Variants in KDM6A observed in about 807,000 individuals in gnomAD.
KDM6A encodes lysine-specific demethylase 6A.
Under a neutral mutation model 117.6 loss-of-function variants are expected in KDM6A, and 11 were observed. The ratio of observed to expected loss-of-function variants is 0.09; its 90% CI spans 0.06 to 0.15. KDM6A has a LOEUF of 0.15. KDM6A is among the 10% of genes least tolerant of loss of function. KDM6A has a pLI of 1.00. For synonymous variants in KDM6A, 384 were observed against 396.1 expected (o/e 0.97, Z 0.36); for missense variants, 799 against 1,077.3 (o/e 0.74, Z 3.62).
intron 2 of KDM6A, among the ~76,000 whole-genome samples, chrX:44,933,445 G>A (rs773675989): frequency 9.6e-6 from 1 of 104,252 alleles, no homozygotes; most frequent in South Asian, 4.3e-4. Flanking sequence ...CTAATTTTTT[G>A]TGTGTTTTTA....
At chrX:45,033,828 C>T (rs2042701052) in intron 6 of KDM6A, among the ~76,000 whole-genome samples, 1 of 110,853 alleles carries the variant, frequency 9.0e-6, no homozygotes, top group Non-Finnish European at 1.9e-5. Context: ...GCTGGGATTA[C>T]AGTCGTGAGC....
At chrX:44,886,761 G>T (rs2146561136) in intron 2 of KDM6A, among the ~76,000 whole-genome samples, 1 of 110,125 alleles carries the variant, frequency 9.1e-6, no homozygotes, top group South Asian at 3.9e-4. Flanking sequence ...AAAGTGCTGA[G>T]ATTACAGGCA....
At chrX:44,998,206 A>G (rs1295608162) in intron 4 of KDM6A, among the ~76,000 whole-genome samples, 1 of 111,863 alleles carries the variant, frequency 8.9e-6, no homozygotes. Context: ...CCAAGTATGT[A>G]AAGTTGAGGT....
At chrX:44,916,732 A>T (rs1369169710) in intron 2 of KDM6A, among the ~76,000 whole-genome samples, 2 of 109,752 alleles carry the variant, frequency 1.8e-5, no homozygotes, top group Non-Finnish European at 3.8e-5. Flanking sequence ...TGCAGGCTCG[A>T]CCTCCTAGGC....
At chrX:44,921,197 A>C (rs753298899) in intron 2 of KDM6A, among the ~76,000 whole-genome samples, 1 of 110,523 alleles carries the variant, frequency 9.0e-6, no homozygotes, top group African/African-American at 3.3e-5. Flanking sequence ...TTTTTCAAAA[A>C]CTCTTTTATT....
chrX:45,033,256 T>C (rs1389277524), intron 6 of KDM6A, among the ~76,000 whole-genome samples: 3 of 112,302 alleles, frequency 2.7e-5, no homozygotes, highest in Admixed American at 9.4e-5. Flanking sequence ...CGTTTTAAAA[T>C]AGTCTGTTCT....
chrX:44,930,152 T>A (rs746009940), intron 2 of KDM6A, among the ~76,000 whole-genome samples: 17 of 111,342 alleles, frequency 1.5e-4, no homozygotes, highest in Non-Finnish European at 3.2e-4. Context: ...TAAAAATTAT[T>A]TTTTTTCCTT....
At chrX:44,909,463 T>C (rs930163180) in intron 2 of KDM6A, among the ~76,000 whole-genome samples, 1 of 111,131 alleles carries the variant, frequency 9.0e-6, no homozygotes, top group African/African-American at 3.3e-5. Context: ...ATCTTTGACT[T>C]TGCTGCCACC....
chrX:45,029,435 T>A (rs2042512466), intron 6 of KDM6A, among the ~76,000 whole-genome samples: 1 of 109,108 alleles, frequency 9.2e-6, no homozygotes, highest in African/African-American at 3.4e-5. Context: ...CCCCATCTAA[T>A]AAATAAATAC....
intron 4 of KDM6A, among the ~76,000 whole-genome samples, chrX:44,988,574 C>CT (rs1434359651): frequency 9.0e-6 from 1 of 110,963 alleles, no homozygotes; most frequent in Non-Finnish European, 1.9e-5. Flanking sequence ...TGGTGACGTA[C>CT]AGATGGGGTT....
intron 4 of KDM6A, among the ~76,000 whole-genome samples, chrX:45,002,044 C>T (rs976255759): frequency 9.0e-6 from 1 of 111,254 alleles, no homozygotes; most frequent in East Asian, 2.8e-4. Context: ...AGAAACTGAT[C>T]TTTTGTTTTA....
At chrX:44,939,440 ATC>A (rs2037164677) in intron 2 of KDM6A, among the ~76,000 whole-genome samples, 1 of 112,275 alleles carries the variant, frequency 8.9e-6, no homozygotes, top group African/African-American at 3.2e-5. Context: ...AATTGCTGCT[ATC>A]TCGTGATAAA....
intron 2 of KDM6A, among the ~76,000 whole-genome samples, chrX:44,941,808 C>A (rs1419834855): frequency 9.1e-6 from 1 of 110,429 alleles, no homozygotes; most frequent in Admixed American, 9.7e-5. Context: ...CACAAGTTAT[C>A]TTTAATGTTG....
chrX:45,057,489 C>T (rs1021369478), intron 10 of KDM6A, among the ~76,000 whole-genome samples: 7 of 111,237 alleles, frequency 6.3e-5, no homozygotes, highest in African/African-American at 2.3e-4. Context: ...CCAATTTTGG[C>T]CTGTTCTAAA....
At chrX:44,948,126 G>C (rs981471752) in intron 2 of KDM6A, among the ~76,000 whole-genome samples, 1 of 112,075 alleles carries the variant, frequency 8.9e-6, no homozygotes, top group African/African-American at 3.2e-5. Context: ...TGAAGTGGAA[G>C]CCCTTCCCAA....
At chrX:45,039,579 A>G (rs1190565744) in intron 8 of KDM6A, among the ~76,000 whole-genome samples, 1 of 70,313 alleles carries the variant, frequency 1.4e-5, no homozygotes, top group African/African-American at 5.2e-5. Context: ...GCAGGGTCAT[A>G]GGACAATAGT....
chrX:44,926,916 C>T (rs2036335387), intron 2 of KDM6A, among the ~76,000 whole-genome samples: 1 of 111,121 alleles, frequency 9.0e-6, no homozygotes, highest in African/African-American at 3.3e-5. Flanking sequence ...CTTACTTGGC[C>T]AGTAATTGTG....
intron 2 of KDM6A, among the ~76,000 whole-genome samples, chrX:44,960,728 A>G (rs2038621373): frequency 8.9e-6 from 1 of 111,884 alleles, no homozygotes; most frequent in Non-Finnish European, 1.9e-5. Context: ...AAGTAAGATC[A>G]GAAGCAGTTG....
At chrX:45,095,979 A>G (rs1166440382) in intron 27 of KDM6A, among the ~76,000 whole-genome samples, 1 of 111,466 alleles carries the variant, frequency 9.0e-6, no homozygotes, top group African/African-American at 3.3e-5. Context: ...TTACCACTCC[A>G]TTTGCTATTT....
Sources: allele counts gnomAD v4.1 joint callset (sites outside exome capture counted in the v4.1 genomes callset), GRCh38; gene constraint gnomAD v4.1.1; transcripts MANE v1.5; gene names NCBI Gene and HGNC (gene_info 2026-07-23, HGNC 2026-07-21).